Variants in NTM observed in about 807,000 individuals in gnomAD.
The protein encoded by NTM is IgLON family member 2.
A neutral mutation model predicts 42.1 loss-of-function variants in NTM; 13 were observed. That is an observed-to-expected ratio of 0.31 (90% CI 0.20 to 0.49). The LOEUF (loss-of-function observed/expected upper bound fraction) is 0.49. NTM is among the 20% of genes least tolerant of loss of function. NTM has a pLI of 0.99. For missense variants in NTM, 373 were observed against 452.8 expected (o/e 0.82, Z 1.60); for synonymous variants, 187 against 179.2 (o/e 1.04, Z -0.35).
chr11:131,433,953 C>A (rs1020898013), intron 1 of NTM, among the ~76,000 whole-genome samples: 65 of 152,178 alleles, frequency 4.3e-4, no homozygotes, highest in Admixed American at 2.3e-3. Context: ...TCCCTATCCC[C>A]AACCCCACAA....
intron 1 of NTM, among the ~76,000 whole-genome samples, chr11:131,772,704 C>T (rs1284120429): frequency 6.6e-6 from 1 of 152,184 alleles, no homozygotes. Context: ...CCAGCCTGAA[C>T]ATAAGGACTC....
chr11:132,236,662 A>G (rs979390943), intron 4 of NTM, among the ~76,000 whole-genome samples: 11 of 152,236 alleles, frequency 7.2e-5, no homozygotes, highest in African/African-American at 2.2e-4. Flanking sequence ...AATCAGAGGC[A>G]GGGAAACCAT....
rs1398352983 is a variant in NTM at position 132,070,802 on chromosome 11, C to T, written c.168-75480C>T. Among the ~76,000 whole-genome samples, 4 of 141,694 alleles carry T rather than the reference C, an allele frequency of 2.8e-5. 1 individual carries two copies. Among genetic ancestry groups the T allele is most frequent in the Non-Finnish European group, 6.2e-5 (4 of 64,310 alleles). 93.0% of individuals were successfully genotyped at this position (141,694 alleles called of 152,430 possible). Reference sequence around the variant, plus strand: ...ACCCAGGTTAACACGTCACACTGACCGTCACAGGTTAGTTAACACGTCACA... The same window carrying T: ...ACCCAGGTTAACACGTCACACTGACTGTCACAGGTTAGTTAACACGTCACA... On this transcript the variant is annotated intron_variant, in intron 2 of 8. Coordinates refer to ENST00000683400, the MANE Select transcript of NTM (RefSeq NM_001352005.2).
chr11:132,104,935 A>ATGTGTGTGTG (rs202203556), intron 2 of NTM, among the ~76,000 whole-genome samples: 7 of 20,000 alleles, frequency 3.5e-4, no homozygotes, highest in African/African-American at 1.1e-3. Context: ...ATATATACAT[A>ATGTGTGTGTG]TGTATATATA....
intron 1 of NTM, among the ~76,000 whole-genome samples, chr11:131,432,839 CTTTTTTTTTTTTTTTTT>C (rs377739708): frequency 5.2e-4 from 36 of 68,704 alleles, no homozygotes; most frequent in East Asian, 3.0e-3. Context: ...ATTTAGCATT[CTTTTTTTTTTTTTTTTT>C]TTTTTTTTTT....
chr11:132,329,219 T>C (rs1180118078), intron 7 of NTM, among the ~76,000 whole-genome samples: 1 of 152,190 alleles, frequency 6.6e-6, no homozygotes, highest in East Asian at 1.9e-4. Flanking sequence ...AGGCATCACT[T>C]TGATGCAAAA....
intron 1 of NTM, among the ~76,000 whole-genome samples, chr11:131,406,943 A>G (rs1201869116): frequency 5.9e-5 from 9 of 152,264 alleles, no homozygotes. Context: ...CTTTCCTCAT[A>G]CAAACATTGG....
chr11:131,494,286 C>A (rs1955107283), intron 1 of NTM, among the ~76,000 whole-genome samples: 1 of 152,024 alleles, frequency 6.6e-6, no homozygotes, highest in South Asian at 2.1e-4. Context: ...TGATATTGAC[C>A]CCCAGGAGCT....
intron 1 of NTM, among the ~76,000 whole-genome samples, chr11:131,383,055 CTT>C (rs1052914856): frequency 6.6e-5 from 10 of 152,168 alleles, no homozygotes; most frequent in Non-Finnish European, 1.0e-4. Flanking sequence ...ACACTTAAAA[CTT>C]TATTGCCCCT....
At chr11:132,031,335 TG>T (rs1431172120) in intron 2 of NTM, among the ~76,000 whole-genome samples, 4 of 152,220 alleles carry the variant, frequency 2.6e-5, no homozygotes, top group African/African-American at 9.6e-5. Context: ...AGAGTAACTC[TG>T]GGACCATGAG....
chr11:131,818,162 A>C (rs756224803), intron 1 of NTM, among the ~76,000 whole-genome samples: 28 of 152,128 alleles, frequency 1.8e-4, no homozygotes, highest in African/African-American at 6.5e-4. Context: ...GCTGCAGTGC[A>C]TCCTTTACAG....
At chr11:131,936,423 T>G (rs1335667775) in intron 2 of NTM, among the ~76,000 whole-genome samples, 1 of 152,182 alleles carries the variant, frequency 6.6e-6, no homozygotes, top group Non-Finnish European at 1.5e-5. Context: ...CACTAAATTC[T>G]GGGTTACCAA....
Position 131,944,436 on chromosome 11 carries a change from G to A in NTM, c.167+32788G>A, listed in dbSNP as rs148961605. On this transcript the variant is annotated intron_variant, in intron 2 of 8. Transcript: ENST00000683400. ...CATGCACAAAACATAGGGAACACAA[G>A]CAGCAGTTTGGATGTCCACAGCTCA... Among the ~76,000 whole-genome samples the A allele has an allele frequency of 1.3e-4, 20 of 152,336 alleles. No individual in the cohort carries two copies. The East Asian group carries it at 3.3e-3, about 25-fold the overall frequency.
chr11:131,455,231 C>G (rs969565514), intron 1 of NTM, among the ~76,000 whole-genome samples: 7 of 152,130 alleles, frequency 4.6e-5, no homozygotes, highest in African/African-American at 1.7e-4. Flanking sequence ...CAGCCAGCCC[C>G]GTGGGTTCAT....
chr11:132,207,125 G>A (rs527698704), intron 3 of NTM, among the ~76,000 whole-genome samples: 2 of 152,232 alleles, frequency 1.3e-5, no homozygotes, highest in East Asian at 1.9e-4. Context: ...CAAACCTCAG[G>A]CCACATACCG....
intron 1 of NTM, among the ~76,000 whole-genome samples, chr11:131,409,103 C>A (rs188876896): frequency 1.3e-5 from 2 of 152,336 alleles, no homozygotes; most frequent in Non-Finnish European, 2.9e-5. Context: ...ACTGTCCCCA[C>A]TAACTGGAGA....
chr11:131,794,059 C>CTTCAGTAG (rs1473378032), intron 1 of NTM, among the ~76,000 whole-genome samples: 1 of 152,222 alleles, frequency 6.6e-6, no homozygotes, highest in Non-Finnish European at 1.5e-5. Flanking sequence ...GGTGTAATCA[C>CTTCAGTAG]TTCAGACTAC....
At chr11:132,032,588 A>C (rs534905108) in intron 2 of NTM, among the ~76,000 whole-genome samples, 1 of 152,304 alleles carries the variant, frequency 6.6e-6, no homozygotes, top group South Asian at 2.1e-4. Context: ...TGTCTTAGTG[A>C]CTAGGACCTT....
chr11:131,795,072 C>A, intron 1 of NTM: 1 of 706,196 alleles, frequency 1.4e-6, no homozygotes, highest in Non-Finnish European at 1.7e-6. Context: ...GTGATGTGGT[C>A]TTTATTTAAA....
Sources: allele counts gnomAD v4.1 joint callset (sites outside exome capture counted in the v4.1 genomes callset), GRCh38; gene constraint gnomAD v4.1.1; transcripts MANE v1.5; gene names NCBI Gene and HGNC (gene_info 2026-07-23, HGNC 2026-07-21).